ALB: variants seen among roughly 807,000 people sequenced by gnomAD.
ALB encodes the protein serum albumin.
Under a neutral mutation model 74.5 loss-of-function variants are expected in ALB, and 37 were observed. The observed-to-expected ratio is 0.50, with a 90% CI of 0.38 to 0.65. The LOEUF (loss-of-function observed/expected upper bound fraction) is 0.65, where lower values mean the gene tolerates loss of function less well. ALB is among the 30% of genes least tolerant of loss of function. The pLI is 0.00. For synonymous variants in ALB, 249 were observed against 251.6 expected, an observed-to-expected ratio of 0.99 and a Z score of 0.10; for missense variants, 685 against 718.7, an observed-to-expected ratio of 0.95 and a Z score of 0.54.
At chr4:73,404,821 T>G in intron 1 of ALB, 1 of 383,874 alleles carries the variant, frequency 2.6e-6, no homozygotes, top group Non-Finnish European at 4.7e-6. Flanking sequence ...TAGTCTGTCT[T>G]CTTGGTTGCT....
intron 1 of ALB, chr4:73,404,915 T>C: frequency 1.7e-6 from 1 of 602,202 alleles, no homozygotes. Context: ...AAAATAGTAT[T>C]CTTGGTAATT....
rs565645735 is a variant in ALB, at chr4:73,404,426, A to G, written c.79+20A>G. 9 of 1,584,004 alleles carry G rather than the reference A, an allele frequency of 5.7e-6. No homozygotes were observed. Among genetic ancestry groups the G allele is most frequent in the Admixed American group, 3.3e-5 (2 of 59,936 alleles). On this transcript the variant is annotated intron_variant, in intron 1 of 14. Coordinates refer to ENST00000295897, the MANE Select transcript of ALB (RefSeq NM_000477.7). ...ATGCACGTAAGAAATCCATTTTTCT[A>G]TTGTTCAACTTTTATTCTATTTTCC...
rs773743765 is a variant in ALB, at chr4:73,406,722, T to C, written c.231T>C (p.Cys77=). ...VNEVTEFAKT[C]VADESAENCD... is the part of the protein sequence containing the mutation. ...AAGTAACTGAATTTGCAAAAACATG[T>C]GTTGCTGATGAGTCAGCTGAAAATT... The change falls in exon 3 of 15, where the codon TGT becomes TGC. Residue 77 remains cysteine (C), a synonymous_variant. Coordinates refer to ENST00000295897, the MANE Select transcript of ALB (RefSeq NM_000477.7). 1.9e-6 allele frequency: 3 copies of C among 1,613,928 alleles called. No individual in the cohort carries two copies. The highest frequency in any genetic ancestry group is 2.2e-5 in the East Asian group (1 of 44,806).
At chr4:73,406,288 G>A (rs1197743307) in intron 2 of ALB, among the ~76,000 whole-genome samples, 1 of 152,088 alleles carries the variant, frequency 6.6e-6, no homozygotes, top group Non-Finnish European at 1.5e-5. Context: ...TGTGGGGTTT[G>A]TTTTAGTTTT....
intron 9 of ALB, 69 bp downstream of exon 9, chr4:73,415,236 T>C: frequency 6.4e-7 from 1 of 1,558,826 alleles, no homozygotes. Flanking sequence ...AGAAAAATAA[T>C]GCAAGAATGT....
At chr4:73,408,364 T>C (rs1718786192) in intron 3 of ALB, among the ~76,000 whole-genome samples, 1 of 152,218 alleles carries the variant, frequency 6.6e-6, no homozygotes, top group African/African-American at 2.4e-5. Context: ...TGACTGTCTT[T>C]TTGTCCTGTT....
chr4:73,407,832 T>A (rs936626448), intron 3 of ALB, among the ~76,000 whole-genome samples: 12 of 152,184 alleles, frequency 7.9e-5, no homozygotes, highest in Non-Finnish European at 1.3e-4. Context: ...TCAATCTATA[T>A]ATACCTCTTG....
chr4:73,406,496 G>T (rs559759004), intron 2 of ALB, 133 bp from the exon 3 acceptor site: 18 of 899,378 alleles, frequency 2.0e-5, no homozygotes, highest in Non-Finnish European at 2.8e-5. Context: ...ATATGAATAG[G>T]CTTTCTGGAT....
Position 73,413,357 on chromosome 4 carries a change from G to A in ALB, c.844-63G>A, listed in dbSNP as rs901613471. 15 of 1,423,470 alleles carry A rather than the reference G, an allele frequency of 1.1e-5. No homozygotes were observed. The African/African-American group carries it at 1.4e-4, about 13-fold the overall frequency. 88.2% of individuals were successfully genotyped at this position (1,423,470 alleles called of 1,614,324 possible). A position where few individuals can be genotyped will look rare whatever the true frequency, so the allele number is the denominator to read the frequency against. Reference sequence around the variant, plus strand: ...AATATGTTCTGCCAACTTAATAAAGGTCTGAGGAGAAAGTGTAGCAATGTC... The same window carrying A: ...AATATGTTCTGCCAACTTAATAAAGATCTGAGGAGAAAGTGTAGCAATGTC... On this transcript the variant is annotated intron_variant, in intron 7 of 14. Coordinates refer to ENST00000295897, the MANE Select transcript of ALB (RefSeq NM_000477.7).
chr4:73,420,398 G>T, intron 14 of ALB, 77 bp downstream of exon 14: 1 of 958,822 alleles, frequency 1.0e-6, no homozygotes, highest in South Asian at 1.5e-5. Context: ...CCATTTCCAA[G>T]AGCCATATAG....
chr4:73,414,647 G>T (rs913651767), intron 8 of ALB, among the ~76,000 whole-genome samples: 6 of 152,036 alleles, frequency 3.9e-5, no homozygotes, highest in Non-Finnish European at 7.4e-5. Flanking sequence ...TAGAGATGGG[G>T]TTTCACCATG....
chr4:73,420,141 A>T lies in ALB; in HGVS notation c.1786-113A>T, dbSNP rs1560385547. The T allele has an allele frequency of 4.4e-6, 4 of 905,846 alleles. No individual in the cohort carries two copies. The East Asian group carries it at 1.0e-4, about 24-fold the overall frequency. The allele number at this position is 905,846 out of a possible 1,614,324, so 56.1% of individuals were successfully genotyped here. On this transcript the variant is annotated intron_variant, in intron 13 of 14. Transcript: ENST00000295897. ...TATAGTAGTAAATTGTAATTAAAGGATATGATGCACGTGAAATCACTTTGC... is the reference window on the plus strand; with the variant it reads ...TATAGTAGTAAATTGTAATTAAAGGTTATGATGCACGTGAAATCACTTTGC...
intron 2 of ALB, 114 bp from the exon 3 acceptor site, chr4:73,406,515 A>G (rs1225804997): frequency 1.9e-6 from 2 of 1,034,608 alleles, no homozygotes; most frequent in Non-Finnish European, 2.9e-6. Context: ...ATAATGGTGA[A>G]GAAGATGTAT....
In ALB at chr4:73,415,086, G is replaced by A. The variant is rs762020553; in HGVS notation, c.1110G>A (p.Leu370=). 7 of 1,614,142 alleles carry A rather than the reference G, an allele frequency of 4.3e-6. No homozygotes were observed. Among genetic ancestry groups the A allele is most frequent in the Non-Finnish European group, 4.2e-6 (5 of 1,180,026 alleles). The change falls in exon 9 of 15, where the codon CTG becomes CTA. Residue 370 remains leucine (L), a synonymous_variant. Transcript: ENST00000295897. ...RRHPDYSVVL[L]LRLAKTYETT... is the part of the protein sequence containing the mutation. ...ATCCTGATTACTCTGTCGTGCTGCT[G>A]CTGAGACTTGCCAAGACATATGAAA...
intron 10 of ALB, 143 bp from the exon 11 acceptor site, chr4:73,417,388 A>G: frequency 9.3e-7 from 1 of 1,069,940 alleles, no homozygotes; most frequent in East Asian, 2.5e-5. Flanking sequence ...ACCCTCCACT[A>G]ACCCACTACT....
intron 13 of ALB, 63 bp downstream of exon 13, chr4:73,419,702 G>A: frequency 1.9e-6 from 3 of 1,583,888 alleles, no homozygotes; most frequent in Non-Finnish European, 1.7e-6. Context: ...GGTTAGGCTA[G>A]GGCTTAGGGA....
At position 73,413,458 on chromosome 4, in the gene ALB, G is replaced by A. The variant is rs143665140; in HGVS notation, c.882G>A (p.Ser294=). Residue 294 remains serine (S), a synonymous_variant, in exon 8 of 15, where the codon TCG becomes TCA. Transcript: ENST00000295897. ...AGTATATCTGTGAAAATCAAGATTCGATCTCCAGTAAACTGAAGGAATGCT... is the reference window on the plus strand; with the variant it reads ...AGTATATCTGTGAAAATCAAGATTCAATCTCCAGTAAACTGAAGGAATGCT... ...LAKYICENQD[S]ISSKLKECCE... The A allele has an allele frequency of 6.8e-6, 11 of 1,613,956 alleles. No homozygotes were observed. Among genetic ancestry groups the A allele is most frequent in the African/African-American group, 1.3e-5 (1 of 74,892 alleles).
intron 7 of ALB, among the ~76,000 whole-genome samples, chr4:73,412,853 CTGTT>C (rs1718914793): frequency 3.3e-5 from 5 of 152,168 alleles, no homozygotes; most frequent in Admixed American, 2.6e-4. Context: ...TTAATTAACT[CTGTT>C]TGTTAGATGT....
Position 73,419,624 on chromosome 4 carries a change from C to T in ALB, c.1770C>T (p.Thr590=), listed in dbSNP as rs1448475118. 4 of 1,613,904 alleles carry T rather than the reference C, an allele frequency of 2.5e-6. No individual in the cohort carries two copies. The highest frequency in any genetic ancestry group is 1.3e-5 in the African/African-American group (1 of 74,904). The change falls in exon 13 of 15, where the codon ACC becomes ACT. Residue 590 remains threonine (T), a synonymous_variant. Transcript: ENST00000295897. ...EKCCKADDKE[T]CFAEEGKKLV... is the part of the protein sequence containing the mutation. Reference sequence around the variant, plus strand: ...GCTGCAAGGCTGACGATAAGGAGACCTGCTTTGCCGAGGAGGTACTACAGT... The same window carrying T: ...GCTGCAAGGCTGACGATAAGGAGACTTGCTTTGCCGAGGAGGTACTACAGT...
Sources: gnomAD v4.1 joint callset for allele counts (sites outside exome capture counted in the v4.1 genomes callset) on GRCh38, gnomAD v4.1.1 for gene constraint, MANE v1.5 for transcripts, NCBI Gene and HGNC (gene_info 2026-07-23, HGNC 2026-07-21) for gene names.